TRANK1: variants seen among roughly 807,000 people sequenced by gnomAD.
TRANK1 encodes the protein tetratricopeptide repeat and ankyrin repeat containing 1.
TRANK1 carries 198 observed loss-of-function variants against 266.0 expected under a neutral mutation model. That is an observed-to-expected ratio of 0.74 (90% CI 0.66 to 0.84). The LOEUF (loss-of-function observed/expected upper bound fraction) is 0.84, where lower values mean the gene tolerates loss of function less well. Ranked by LOEUF, TRANK1 falls within the 40% of genes least tolerant of loss-of-function variation. The probability of loss-of-function intolerance (pLI) is 0.00; values close to 1 mark genes in which losing one functional copy is unlikely to be tolerated. For synonymous variants in TRANK1, 1,396 were observed against 1,384.1 expected (o/e 1.01, Z -0.19); for missense variants, 3,326 against 3,634.6 (o/e 0.92, Z 2.18).
At chr3:36,869,279 A>G (rs1441029776) in intron 9 of TRANK1, among the ~76,000 whole-genome samples, 1 of 152,220 alleles carries the variant, frequency 6.6e-6, no homozygotes, top group Non-Finnish European at 1.5e-5. Context: ...AACAGCAGAA[A>G]TCTTTAGCAA....
intron 1 of TRANK1, among the ~76,000 whole-genome samples, chr3:36,933,269 C>A (rs775887887): frequency 1.3e-5 from 2 of 152,216 alleles, no homozygotes; most frequent in African/African-American, 2.4e-5. Flanking sequence ...AGGGTACAGG[C>A]GCACTTGCTT....
chr3:36,860,538 A>G (rs1210817437), intron 11 of TRANK1, among the ~76,000 whole-genome samples: 2 of 152,238 alleles, frequency 1.3e-5, no homozygotes, highest in Non-Finnish European at 2.9e-5. Context: ...ATAAGGATCC[A>G]CACAGTATAT....
At chr3:36,848,517 C>T (rs1290041490) in intron 15 of TRANK1, among the ~76,000 whole-genome samples, 1 of 152,108 alleles carries the variant, frequency 6.6e-6, no homozygotes, top group African/African-American at 2.4e-5. Flanking sequence ...GTGCTACTTG[C>T]CATCTATGTA....
At chr3:36,922,557 A>C (rs1296041164) in intron 1 of TRANK1, among the ~76,000 whole-genome samples, 1 of 152,166 alleles carries the variant, frequency 6.6e-6, no homozygotes, top group Admixed American at 6.5e-5. Flanking sequence ...GTGAGCCGAG[A>C]TCATGCCACT....
intron 1 of TRANK1, among the ~76,000 whole-genome samples, chr3:36,932,646 CTGGAGAGCAATT>C (rs1245529291): frequency 6.6e-6 from 1 of 152,162 alleles, no homozygotes; most frequent in African/African-American, 2.4e-5. Context: ...ATAAAGCAAA[CTGGAGAGCAATT>C]TGGAGAGCAA....
rs542620703 is a variant in TRANK1 at position 36,833,409 on chromosome 3, G to A, written c.6174C>T (p.His2058=). 4.8e-5 allele frequency: 78 copies of A among 1,613,862 alleles called. 1 individual carries two copies. In the South Asian group the frequency reaches 7.5e-4, roughly 15 times the overall value. The part of the protein sequence containing the change: ...DAFFKFDTLN[H]SAGVVEALYE... The stretch of plus-strand genomic sequence containing the variant: ...AGAGTGCTTCCACCACTCCAGCTGA[G>A]TGGTTGAGCGTGTCAAACTTGAAGA... The change falls in exon 22 of 24, where the codon CAC becomes CAT. Residue 2058 remains histidine, a synonymous_variant. Transcript: ENST00000645898.
Position 36,874,341 on chromosome 3 carries a change from C to T in TRANK1, c.908-45G>A, listed in dbSNP as rs566423142. 5.3e-6 allele frequency: 8 copies of T among 1,523,552 alleles called. No individual in the cohort carries two copies. The African/African-American group carries it at 1.1e-4, about 21-fold the overall frequency. The allele number at this position is 1,523,552 out of a possible 1,614,324, so 94.4% of individuals were successfully genotyped here. On this transcript the variant is annotated intron_variant, in intron 8 of 23. Transcript: ENST00000645898. ...GAAGGGGTGTTTGTCATGGTTCCTT[C>T]CATAAGATGTCCCCATGAGTGCTCT...
chr3:36,892,316 C>T lies in TRANK1; in HGVS notation c.661G>A (p.Glu221Lys). 6.5e-7 allele frequency: 1 copy of T among 1,537,094 alleles called. No individual in the cohort carries two copies. Among genetic ancestry groups the T allele is most frequent in the South Asian group, 1.2e-5 (1 of 84,038 alleles). ...FEKYVFIGLY[E>K]KMEQVPKLVQ... is the part of the protein sequence containing the mutation. ...AACTTGGGCACTTGTTCCATCTTCT[C>T]ATAAAGTCCAATGAAAACGTATTTC... is the stretch of plus-strand genomic sequence containing the variant. The change falls in exon 7 of 24, where the codon GAG becomes AAG. Residue 221 changes from glutamate to lysine, a missense_variant. Physicochemically the swap from Glu to Lys is moderately conservative, Grantham distance 56 (BLOSUM62 1). Transcript: ENST00000645898.
At chr3:36,868,102 G>C (rs1335945212) in intron 9 of TRANK1, among the ~76,000 whole-genome samples, 1 of 152,178 alleles carries the variant, frequency 6.6e-6, no homozygotes, top group Non-Finnish European at 1.5e-5. Context: ...GAATAAACTG[G>C]CCACCTTCAA....
Position 36,828,265 on chromosome 3 carries a change from T to C in TRANK1, c.*10A>G. The C allele has an allele frequency of 6.3e-7, 1 of 1,598,644 alleles. No individual in the cohort carries two copies. The highest frequency in any genetic ancestry group is 8.6e-7 in the Non-Finnish European group (1 of 1,168,676). On this transcript the variant is annotated 3_prime_UTR_variant, in exon 24 of 24. Coordinates refer to ENST00000645898, the MANE Select transcript of TRANK1 (RefSeq NM_001329998.2). ...TTCCGAAGGATGAGGAGGCTGCAGC[T>C]GTGTGGACATTAGTATTTTCTCTGC...
Position 36,898,892 on chromosome 3 carries a change from T to C in TRANK1, c.433+217A>G, listed in dbSNP as rs2079834231. Among the ~76,000 whole-genome samples, 11 of 152,134 alleles carry C rather than the reference T, an allele frequency of 7.2e-5. No individual in the cohort carries two copies. In the South Asian group the frequency reaches 2.3e-3, roughly 32 times the overall value. On this transcript the variant is annotated intron_variant, in intron 4 of 23. Transcript: ENST00000645898. ...ATCTGAAACCAAACTCTCAAAGTTT[T>C]AGTCATTTATGTGAAAAGGACTTCA...
rs760767805 is a variant in TRANK1, at chr3:36,852,222, C to T, written c.4673G>A (p.Cys1558Tyr). 11 of 1,613,168 alleles carry T rather than the reference C, an allele frequency of 6.8e-6. No individual in the cohort carries two copies. Among genetic ancestry groups the T allele is most frequent in the Non-Finnish European group, 9.3e-6 (11 of 1,179,742 alleles). ...CAAAATTGCCAAGTCGCTTACACTA[C>T]AAGACTCCAGAACAGTTGGCTTAGG... Reference protein sequence around the residue: ...DGPKPTVLESCSVSDLAILLR... With the variant: ...DGPKPTVLESYSVSDLAILLR... The change falls in exon 14 of 24, where the codon TGT becomes TAT. Residue 1558 changes from cysteine (C) to tyrosine (Y), a missense_variant. Physicochemically the swap from Cys to Tyr is radical, Grantham distance 194. Coordinates refer to ENST00000645898, the MANE Select transcript of TRANK1 (RefSeq NM_001329998.2).
In TRANK1 at chr3:36,838,510, G is replaced by A. The variant is rs2078800172; in HGVS notation, c.5385-6C>T. The A allele has an allele frequency of 6.2e-7, 1 of 1,613,984 alleles. No individual in the cohort carries two copies. The highest frequency in any genetic ancestry group is 1.1e-5 in the South Asian group (1 of 91,082). On this transcript the variant is annotated splice_polypyrimidine_tract_variant and splice_region_variant and intron_variant, in intron 19 of 23. Coordinates refer to ENST00000645898, the MANE Select transcript of TRANK1 (RefSeq NM_001329998.2). ...AATATTCCAACTGCTTTTCCCTAGG[G>A]GAAGGAAAACAAAATAATATTTCCA...
At position 36,855,417 on chromosome 3, in the gene TRANK1, A is replaced by G. The variant is rs2079038357; in HGVS notation, c.4305T>C (p.Tyr1435=). The G allele has an allele frequency of 1.2e-6, 2 of 1,614,012 alleles. No individual in the cohort carries two copies. Among genetic ancestry groups the G allele is most frequent in the Non-Finnish European group, 8.5e-7 (1 of 1,179,884 alleles). Reference sequence around the variant, plus strand: ...GGGTAAAGTCTTGAATCTCATCACCATAGAGCTCGTGGATGGACCATGGGA... The same window carrying G: ...GGGTAAAGTCTTGAATCTCATCACCGTAGAGCTCGTGGATGGACCATGGGA... ...RVLPWSIHEL[Y]GDEIQDFTQA... The change falls in exon 13 of 24, where the codon TAT becomes TAC. Residue 1435 remains tyrosine (Y), a synonymous_variant. Coordinates refer to ENST00000645898, the MANE Select transcript of TRANK1 (RefSeq NM_001329998.2).
intron 9 of TRANK1, among the ~76,000 whole-genome samples, chr3:36,873,625 T>C (rs889857488): frequency 4.6e-5 from 7 of 152,138 alleles, no homozygotes; most frequent in African/African-American, 1.2e-4. Flanking sequence ...AGAATATAAA[T>C]GATACACGTA....
At chr3:36,882,070 T>C (rs1182979942) in intron 8 of TRANK1, among the ~76,000 whole-genome samples, 1 of 152,230 alleles carries the variant, frequency 6.6e-6, no homozygotes, top group African/African-American at 2.4e-5. Flanking sequence ...AAGTTCTTAT[T>C]TGGGCATGTT....
chr3:36,855,061 C>G (rs1044768435), intron 13 of TRANK1, 112 bp downstream of exon 13: 1 of 980,710 alleles, frequency 1.0e-6, no homozygotes, highest in Non-Finnish European at 1.5e-6. Context: ...TTCCAAAATA[C>G]TACCCTTACT....
rs375944548 is a variant in TRANK1, at chr3:36,856,883, C to G, written c.2839G>C (p.Asp947His). 4 of 1,614,028 alleles carry G rather than the reference C, an allele frequency of 2.5e-6. No homozygotes were observed. The highest frequency in any genetic ancestry group is 3.4e-6 in the Non-Finnish European group (4 of 1,179,896). Reference protein sequence around the residue: ...EIIRIWDIVLDHCKLADSIKA... With the variant: ...EIIRIWDIVLHHCKLADSIKA... Reference sequence around the variant, plus strand: ...ATGGAATCAGCCAGTTTGCAGTGATCTAAGACGATGTCCCAAATCCGGATG... The same window carrying G: ...ATGGAATCAGCCAGTTTGCAGTGATGTAAGACGATGTCCCAAATCCGGATG... Residue 947 changes from aspartate to histidine, a missense_variant, in exon 13 of 24, where the codon GAT becomes CAT. Physicochemically the swap from Asp to His is moderately conservative, Grantham distance 81. Coordinates refer to ENST00000645898, the MANE Select transcript of TRANK1 (RefSeq NM_001329998.2).
intron 1 of TRANK1, among the ~76,000 whole-genome samples, chr3:36,927,657 G>A (rs942008643): frequency 6.6e-6 from 1 of 152,154 alleles, no homozygotes; most frequent in East Asian, 1.9e-4. Context: ...TTCTCTGCAC[G>A]CCACTGGCCC....
Sources: allele counts gnomAD v4.1 joint callset (sites outside exome capture counted in the v4.1 genomes callset), GRCh38; gene constraint gnomAD v4.1.1; transcripts MANE v1.5; gene names NCBI Gene and HGNC (gene_info 2026-07-23, HGNC 2026-07-21).